The following PRR16 variants were observed in gnomAD, a reference collection of about 807,000 sequenced individuals.
PRR16 encodes the protein protein Largen.
In PRR16, 6 loss-of-function variants were observed where a neutral mutation model predicts 18.2. That is an observed-to-expected ratio of 0.33 (90% confidence interval 0.18 to 0.65). The LOEUF (loss-of-function observed/expected upper bound fraction) is 0.65. Ranked by LOEUF, PRR16 falls within the 30% of genes least tolerant of loss-of-function variation. The pLI, the probability that PRR16 is intolerant of heterozygous loss-of-function variation, is 0.74. For synonymous variants in PRR16, 151 were observed against 147.8 expected (o/e 1.02, Z -0.16); for missense variants, 412 against 376.6 (o/e 1.09, Z -0.78).
chr5:120,745,257 T>G, the PRR16 span, among the ~76,000 whole-genome samples: 1 of 152,202 alleles, frequency 6.6e-6, no homozygotes, highest in Non-Finnish European at 1.5e-5. Flanking sequence ...ATGAAATTAT[T>G]GTTTATGCAT....
intron 1 of PRR16, among the ~76,000 whole-genome samples, chr5:120,513,856 T>A (rs1750905520): frequency 6.6e-6 from 1 of 151,886 alleles, no homozygotes; most frequent in Non-Finnish European, 1.5e-5. Context: ...CCTCCTGGGT[T>A]CAAGCAATTC....
chr5:120,517,715 G>A (rs1295161364), intron 1 of PRR16, among the ~76,000 whole-genome samples: 2 of 152,128 alleles, frequency 1.3e-5, no homozygotes, highest in Non-Finnish European at 2.9e-5. Flanking sequence ...GTAGAAGAGT[G>A]TTCCTAGGGA....
At chr5:120,573,901 G>A (rs1008680060) in intron 1 of PRR16, among the ~76,000 whole-genome samples, 4 of 73,714 alleles carry the variant, frequency 5.4e-5, no homozygotes, top group Admixed American at 3.4e-4. Flanking sequence ...TATGATATGT[G>A]TGTATATATA....
the PRR16 span, among the ~76,000 whole-genome samples, chr5:120,769,156 T>C: frequency 6.6e-6 from 1 of 151,684 alleles, no homozygotes; most frequent in Admixed American, 6.6e-5. Context: ...ATTTCTTTAG[T>C]CCTCGGAACA....
the PRR16 span, among the ~76,000 whole-genome samples, chr5:120,715,984 C>T: frequency 6.6e-6 from 1 of 152,146 alleles, no homozygotes; most frequent in Admixed American, 6.6e-5. Flanking sequence ...TAGGCTTTAG[C>T]AGTGGCGAGG....
the PRR16 span, among the ~76,000 whole-genome samples, chr5:120,785,683 C>G: frequency 6.6e-6 from 1 of 150,498 alleles, no homozygotes; most frequent in Non-Finnish European, 1.5e-5. Flanking sequence ...AGCAATTCTC[C>G]TGCCTCAGCC....
the PRR16 span, among the ~76,000 whole-genome samples, chr5:120,774,116 G>T: frequency 3.9e-5 from 6 of 152,016 alleles, no homozygotes; most frequent in African/African-American, 1.5e-4. Context: ...GTTTCTTAAG[G>T]TTGAGTATTT....
chr5:120,754,926 G>T, the PRR16 span, among the ~76,000 whole-genome samples: 2 of 151,144 alleles, frequency 1.3e-5, no homozygotes, highest in Non-Finnish European at 3.0e-5. Flanking sequence ...AGAAAATTGG[G>T]AATAGAATAT....
At chr5:120,722,029 C>A in the PRR16 span, among the ~76,000 whole-genome samples, 1 of 151,998 alleles carries the variant, frequency 6.6e-6, no homozygotes, top group Admixed American at 6.6e-5. Flanking sequence ...CCCTAGCCCC[C>A]TACCTGCCAA....
intron 1 of PRR16, among the ~76,000 whole-genome samples, chr5:120,628,227 A>G (rs562377049): frequency 6.6e-6 from 1 of 152,242 alleles, no homozygotes; most frequent in East Asian, 1.9e-4. Context: ...CAGTAAGGGA[A>G]CAAAGATGGG....
At chr5:120,472,726 G>GA (rs199895575) in intron 1 of PRR16, among the ~76,000 whole-genome samples, 2 of 152,014 alleles carry the variant, frequency 1.3e-5, no homozygotes, top group African/African-American at 2.4e-5. Context: ...TTATGTAGGG[G>GA]AAAAAAATGA....
the PRR16 span, among the ~76,000 whole-genome samples, chr5:120,708,106 T>C: frequency 6.6e-6 from 1 of 152,224 alleles, no homozygotes; most frequent in Non-Finnish European, 1.5e-5. Flanking sequence ...ATGATAACCA[T>C]CTAATTTGTC....
the PRR16 span, among the ~76,000 whole-genome samples, chr5:120,756,718 A>C: frequency 7.9e-5 from 12 of 151,972 alleles, no homozygotes; most frequent in Non-Finnish European, 1.5e-4. Context: ...ATAGTTTCCA[A>C]ATATTTTCTC....
At chr5:120,739,511 C>G in the PRR16 span, among the ~76,000 whole-genome samples, 1 of 152,174 alleles carries the variant, frequency 6.6e-6, no homozygotes, top group South Asian at 2.1e-4. Context: ...AAAAATCAGT[C>G]TTTTAGAACA....
the PRR16 span, among the ~76,000 whole-genome samples, chr5:120,759,924 C>T: frequency 6.6e-6 from 1 of 151,918 alleles, no homozygotes; most frequent in African/African-American, 2.4e-5. Flanking sequence ...CATAATATGA[C>T]AACAGAACCT....
rs1288306846 is a variant in PRR16, at chr5:120,661,904, G to C, written c.160-24050G>C. Among the ~76,000 whole-genome samples the C allele has an allele frequency of 5.9e-5, 9 of 152,170 alleles. No individual in the cohort carries two copies. In the East Asian group the frequency reaches 1.7e-3, roughly 29 times the overall value. On this transcript the variant is annotated intron_variant, in intron 1 of 1. Coordinates refer to ENST00000407149, the MANE Select transcript of PRR16 (RefSeq NM_001300783.2). ...GGAACCACTAGTATGTTTATCCTTA[G>C]ACCTAAGAAATGGTTCAACAATTTG...
chr5:120,670,214 A>G (rs1756551155), intron 1 of PRR16, among the ~76,000 whole-genome samples: 1 of 152,144 alleles, frequency 6.6e-6, no homozygotes, highest in South Asian at 2.1e-4. Flanking sequence ...AGTACCACAT[A>G]TAGAACATGT....
chr5:120,723,458 A>T, the PRR16 span, among the ~76,000 whole-genome samples: 1 of 152,164 alleles, frequency 6.6e-6, no homozygotes, highest in South Asian at 2.1e-4. Context: ...TAATTTAAAA[A>T]AGCATAATTA....
At chr5:120,766,171 C>A in the PRR16 span, among the ~76,000 whole-genome samples, 1 of 151,950 alleles carries the variant, frequency 6.6e-6, no homozygotes, top group Non-Finnish European at 1.5e-5. Context: ...TAAGTACATA[C>A]TTCAAATAGC....
Sources: gnomAD v4.1 joint callset for allele counts (sites outside exome capture counted in the v4.1 genomes callset) on GRCh38, gnomAD v4.1.1 for gene constraint, MANE v1.5 for transcripts, NCBI Gene and HGNC (gene_info 2026-07-23, HGNC 2026-07-21) for gene names.